The following CALCR variants were observed in gnomAD, a reference collection of about 807,000 sequenced individuals.
The protein encoded by CALCR is calcitonin receptor.
Under a neutral mutation model 59.5 loss-of-function variants are expected in CALCR, and 47 were observed. The observed-to-expected ratio is 0.79, with a 90% confidence interval of 0.63 to 1.01. CALCR has a LOEUF of 1.01. CALCR is among the 50% of genes least tolerant of loss of function. CALCR has a pLI of 0.00. For synonymous variants in CALCR, 213 were observed against 211.3 expected (o/e 1.01, Z -0.07); for missense variants, 566 against 597.1 (o/e 0.95, Z 0.54).
intron 2 of CALCR, among the ~76,000 whole-genome samples, chr7:93,507,461 G>A (rs1176125475): frequency 6.6e-6 from 1 of 151,998 alleles, no homozygotes; most frequent in Non-Finnish European, 1.5e-5. Flanking sequence ...TGCCATGAGG[G>A]GCCCTCAGTG....
chr7:93,426,535 G>C lies in CALCR; in HGVS notation c.1246C>G (p.Arg416Gly). The C allele has an allele frequency of 1.2e-6, 2 of 1,613,402 alleles. No homozygotes were observed. The highest frequency in any genetic ancestry group is 1.7e-6 in the Non-Finnish European group (2 of 1,179,382). Reference sequence around the variant, plus strand: ...CGGTTGGAGGGGCGCCTCCCCCAACGCTGGTTCCACTGAATTTTGAATTGG... The same window carrying C: ...CGGTTGGAGGGGCGCCTCCCCCAACCCTGGTTCCACTGAATTTTGAATTGG... ...WAQFKIQWNQ[R>G]WGRRPSNRSA... Residue 416 changes from arginine (R) to glycine (G), a missense_variant, in exon 14 of 14, where the codon CGT becomes GGT. Physicochemically the swap from Arg to Gly is moderately radical, Grantham distance 125. Coordinates refer to ENST00000426151, the MANE Select transcript of CALCR (RefSeq NM_001742.4).
chr7:93,558,351 A>G (rs1286648501), intron 2 of CALCR, among the ~76,000 whole-genome samples: 6 of 152,116 alleles, frequency 3.9e-5, no homozygotes, highest in African/African-American at 1.4e-4. Flanking sequence ...TTTGTATACC[A>G]TGGTTTGATA....
In CALCR at chr7:93,425,847, GT is replaced by G. The variant is rs1799513756; in HGVS notation, c.*508del. The G allele has an allele frequency of 6.6e-6, 1 of 152,352 alleles. No homozygotes were observed. The highest frequency in any genetic ancestry group is 1.5e-5 in the Non-Finnish European group (1 of 68,230). The allele number at this position is 152,352 out of a possible 1,614,324, so 9.4% of individuals were successfully genotyped here. On this transcript the variant is annotated 3_prime_UTR_variant, in exon 14 of 14. Coordinates refer to ENST00000426151, the MANE Select transcript of CALCR (RefSeq NM_001742.4). ...CGCTTTGTCTTGCAGAGGTCACGTA[GT>G]TCATGTGGTTTACATTGTAAGGATG...
At chr7:93,465,223 T>G (rs1053446235) in intron 7 of CALCR, among the ~76,000 whole-genome samples, 1 of 151,970 alleles carries the variant, frequency 6.6e-6, no homozygotes, top group Non-Finnish European at 1.5e-5. Context: ...AAAAGTAAAT[T>G]GATAAATTGT....
chr7:93,565,735 G>A (rs1415206513), intron 2 of CALCR, among the ~76,000 whole-genome samples: 1 of 152,186 alleles, frequency 6.6e-6, no homozygotes, highest in East Asian at 1.9e-4. Context: ...AGTGAAGAAG[G>A]TGCTAAAGCA....
At chr7:93,481,467 T>A (rs13438456) in intron 3 of CALCR, among the ~76,000 whole-genome samples, 3,113 of 151,840 alleles carry the variant, frequency 0.021, 102 homozygotes, top group African/African-American at 0.071. Flanking sequence ...TGGGAAACAG[T>A]AATAGTCAAA....
At chr7:93,486,511 T>A (rs1294678916) in intron 3 of CALCR, among the ~76,000 whole-genome samples, 1 of 151,490 alleles carries the variant, frequency 6.6e-6, no homozygotes, top group African/African-American at 2.4e-5. Flanking sequence ...TTTAAAAGAA[T>A]TGAACAGCCC....
At position 93,521,269 on chromosome 7, in the gene CALCR, A is replaced by G. The variant is rs1211894020; in HGVS notation, c.-26-34262T>C. Among the ~76,000 whole-genome samples the G allele has an allele frequency of 2.6e-5, 4 of 152,238 alleles. No individual in the cohort carries two copies. In the East Asian group the frequency reaches 7.7e-4, roughly 29 times the overall value. ...ACCGTACCTCTGTTCAGTGGCCCAG[A>G]TCACAGAGGTCACTGGATACAAAGG... On this transcript the variant is annotated intron_variant, in intron 2 of 13. Transcript: ENST00000426151.
intron 2 of CALCR, among the ~76,000 whole-genome samples, chr7:93,518,840 A>G (rs1801699178): frequency 1.3e-5 from 2 of 151,940 alleles, no homozygotes; most frequent in Non-Finnish European, 2.9e-5. Flanking sequence ...GTTTTATGCC[A>G]TTCGTGTTTC....
At chr7:93,516,004 T>C (rs62468273) in intron 2 of CALCR, among the ~76,000 whole-genome samples, 6,184 of 152,002 alleles carry the variant, frequency 0.041, 194 homozygotes, top group Non-Finnish European at 0.062. Context: ...AGTCATAGTA[T>C]AACTGAATTT....
At chr7:93,486,137 T>C (rs963933277) in intron 3 of CALCR, among the ~76,000 whole-genome samples, 1 of 151,570 alleles carries the variant, frequency 6.6e-6, no homozygotes, top group Non-Finnish European at 1.5e-5. Context: ...CCAACTGTAA[T>C]TTATTAGCAA....
chr7:93,509,041 C>T (rs1801487806), intron 2 of CALCR, among the ~76,000 whole-genome samples: 1 of 152,128 alleles, frequency 6.6e-6, no homozygotes. Context: ...AATGGACACT[C>T]TTCCATTGAG....
Position 93,434,262 on chromosome 7 carries a change from G to C in CALCR, c.1182C>G (p.Cys394Trp). ...GFFVATIYCF[C>W]NNEVQTTVKR... is the part of the protein sequence containing the mutation. The stretch of plus-strand genomic sequence containing the variant: ...TGAAATGCATGCTTACCTCATTGTT[G>C]CAGAAGCAGTAGATGGTCGCAACAA... Residue 394 changes from cysteine to tryptophan, a missense_variant, in exon 13 of 14, where the codon TGC (cysteine) becomes TGG (tryptophan). Coordinates refer to ENST00000426151, the MANE Select transcript of CALCR (RefSeq NM_001742.4). 1 of 1,609,926 alleles carries C rather than the reference G, an allele frequency of 6.2e-7. No individual in the cohort carries two copies. Among genetic ancestry groups the C allele is most frequent in the South Asian group, 1.1e-5 (1 of 91,004 alleles).
intron 2 of CALCR, among the ~76,000 whole-genome samples, chr7:93,545,768 G>A (rs559570246): frequency 1.3e-5 from 2 of 151,948 alleles, no homozygotes; most frequent in Admixed American, 6.6e-5. Flanking sequence ...CCATGGGATC[G>A]ACCTCATATC....
intron 8 of CALCR, among the ~76,000 whole-genome samples, chr7:93,460,344 A>G (rs934289206): frequency 9.9e-5 from 15 of 151,810 alleles, no homozygotes; most frequent in Non-Finnish European, 1.9e-4. Context: ...TCACGAAGTC[A>G]GGAGTTCAAG....
chr7:93,433,215 G>A (rs1437393953), intron 13 of CALCR, among the ~76,000 whole-genome samples: 1 of 152,126 alleles, frequency 6.6e-6, no homozygotes, highest in South Asian at 2.1e-4. Context: ...AAAAGATAGA[G>A]AATAAATTAG....
chr7:93,452,663 G>C (rs1173690597), intron 8 of CALCR, among the ~76,000 whole-genome samples: 1 of 151,970 alleles, frequency 6.6e-6, no homozygotes, highest in Non-Finnish European at 1.5e-5. Context: ...TTGTGATTTG[G>C]TGTGTTTAGG....
intron 13 of CALCR, among the ~76,000 whole-genome samples, chr7:93,433,391 T>A (rs1799700304): frequency 6.6e-6 from 1 of 152,198 alleles, no homozygotes; most frequent in African/African-American, 2.4e-5. Context: ...AGAAAAAACA[T>A]ACTAACATAG....
At chr7:93,443,975 A>C (rs2115731155) in intron 8 of CALCR, among the ~76,000 whole-genome samples, 1 of 152,238 alleles carries the variant, frequency 6.6e-6, no homozygotes, top group South Asian at 2.1e-4. Context: ...CCAGTGGAAA[A>C]CTAGTCCACA....
Sources: allele counts gnomAD v4.1 joint callset (sites outside exome capture counted in the v4.1 genomes callset), GRCh38; gene constraint gnomAD v4.1.1; transcripts MANE v1.5; gene names NCBI Gene and HGNC (gene_info 2026-07-23, HGNC 2026-07-21).